UGT2B17: variants seen among roughly 807,000 people sequenced by gnomAD.
The protein encoded by UGT2B17 is UDP-glucuronosyltransferase 2B17.
In UGT2B17, 21 loss-of-function variants were observed where a neutral mutation model predicts 48.2. That is an observed-to-expected ratio of 0.44 (90% CI 0.31 to 0.63). UGT2B17 has a LOEUF of 0.63. Ranked by LOEUF, UGT2B17 falls within the 20% of genes least tolerant of loss-of-function variation. The pLI is 0.08. For synonymous variants in UGT2B17, 146 were observed against 238.4 expected, an observed-to-expected ratio of 0.61 and a Z score of 3.57; for missense variants, 402 against 696.1, an observed-to-expected ratio of 0.58 and a Z score of 4.75.
Position 68,556,516 on chromosome 4 carries a change from G to C in UGT2B17, c.1005+4021C>G, listed in dbSNP as rs1210096781. ...GTGAGATTGAAAGAACTGATACTAA[G>C]AGATAAAATAAGTTCCGTTTATGCA... On this transcript the variant is annotated intron_variant, in intron 4 of 6. Transcript: ENST00000317746. Among the ~76,000 whole-genome samples the C allele has an allele frequency of 5.6e-5, 7 of 125,398 alleles. 2 individuals are homozygous for C. The highest frequency in any genetic ancestry group is 8.1e-5 in the African/African-American group (3 of 36,864). 82.3% of individuals were successfully genotyped at this position (125,398 alleles called of 152,430 possible).
Position 68,564,785 on chromosome 4 carries a change from C to A in UGT2B17, c.873+787G>T, listed in dbSNP as rs1219136280. Among the ~76,000 whole-genome samples the A allele has an allele frequency of 9.5e-5, 12 of 125,742 alleles. 3 individuals are homozygous for A. The highest frequency in any genetic ancestry group is 1.5e-4 in the Non-Finnish European group (9 of 59,348). The allele number at this position is 125,742 out of a possible 152,430, so 82.5% of individuals were successfully genotyped here. A position where few individuals can be genotyped will look rare whatever the true frequency, so the allele number is the denominator to read the frequency against. ...GTGTGGTCTCAGCTCACTGCAGCCT[C>A]TGCCCCCAGACTCAAGCAAGCCTCC... On this transcript the variant is annotated intron_variant, in intron 3 of 6. Transcript: ENST00000317746.
chr4:68,547,878 A>G (rs1394743837), intron 6 of UGT2B17, among the ~76,000 whole-genome samples: 2 of 126,622 alleles, frequency 1.6e-5, no homozygotes, highest in Non-Finnish European at 3.3e-5. Context: ...ACAATGAGAT[A>G]CCATCTCACC....
chr4:68,537,366 T>C lies in UGT2B17; in HGVS notation c.*259A>G. On this transcript the variant is annotated 3_prime_UTR_variant, in exon 7 of 7. Coordinates refer to ENST00000317746, the MANE Select transcript of UGT2B17 (RefSeq NM_001077.4). Reference sequence around the variant, plus strand: ...AGTAACTTTTGTGTGGGGTAACTTTTGGATTAGAATAATAAATTTCAATAT... The same window carrying C: ...AGTAACTTTTGTGTGGGGTAACTTTCGGATTAGAATAATAAATTTCAATAT... 1 of 231,348 alleles carries C rather than the reference T, an allele frequency of 4.3e-6. No homozygotes were observed. Among genetic ancestry groups the C allele is most frequent in the Non-Finnish European group, 7.1e-6 (1 of 140,776 alleles). 14.3% of individuals were successfully genotyped at this position (231,348 alleles called of 1,614,324 possible). A position where few individuals can be genotyped will look rare whatever the true frequency, so the allele number is the denominator to read the frequency against.
intron 4 of UGT2B17, 61 bp from the exon 5 acceptor site, chr4:68,551,972 G>A: frequency 9.1e-7 from 1 of 1,098,048 alleles, no homozygotes; most frequent in Non-Finnish European, 1.2e-6. Context: ...TAACTTGTTA[G>A]AATTCTGAAG....
At chr4:68,548,522 A>T (rs12502808) in intron 6 of UGT2B17, among the ~76,000 whole-genome samples, 59,424 of 123,146 alleles carry the variant, frequency 0.48, 23,127 homozygotes, top group Middle Eastern at 0.73. Flanking sequence ...ACATGTATAC[A>T]TATGTAGCAA....
Position 68,545,100 on chromosome 4 carries a change from C to A in UGT2B17, c.1313+5577G>T, listed in dbSNP as rs1481083416. ...TAATAGACATCTACAGAACTCTGCA[C>A]CCCAAATCAACAGAATGTACATTCT... On this transcript the variant is annotated intron_variant, in intron 6 of 6. Coordinates refer to ENST00000317746, the MANE Select transcript of UGT2B17 (RefSeq NM_001077.4). Among the ~76,000 whole-genome samples the A allele has an allele frequency of 3.2e-5, 4 of 125,810 alleles. 1 individual carries two copies. The highest frequency in any genetic ancestry group is 1.1e-4 in the African/African-American group (4 of 36,814). 82.5% of individuals were successfully genotyped at this position (125,810 alleles called of 152,430 possible). A position where few individuals can be genotyped will look rare whatever the true frequency, so the allele number is the denominator to read the frequency against.
intron 3 of UGT2B17, among the ~76,000 whole-genome samples, chr4:68,562,555 A>T (rs1731123596): frequency 7.9e-6 from 1 of 126,292 alleles, no homozygotes; most frequent in South Asian, 3.7e-4. Context: ...CACTGACAAA[A>T]GTCTTCTTCA....
chr4:68,560,020 A>G (rs183140527), intron 4 of UGT2B17, among the ~76,000 whole-genome samples: 2 of 132,790 alleles, frequency 1.5e-5, no homozygotes, highest in African/African-American at 2.6e-5. Context: ...CCCTGAACAG[A>G]ACGCTAAATA....
intron 4 of UGT2B17, among the ~76,000 whole-genome samples, chr4:68,553,540 C>T (rs1730951841): frequency 8.0e-6 from 1 of 125,146 alleles, no homozygotes; most frequent in Non-Finnish European, 1.7e-5. Context: ...AGGTCCAAAG[C>T]TCTGTTTTCC....
At position 68,547,681 on chromosome 4, in the gene UGT2B17, C is replaced by G. The variant is rs1194586495; in HGVS notation, c.1313+2996G>C. On this transcript the variant is annotated intron_variant, in intron 6 of 6. Coordinates refer to ENST00000317746, the MANE Select transcript of UGT2B17 (RefSeq NM_001077.4). ...ACATTTTTGCAATCTACTCATCTGACAAAGGGCTAATATCCAGAATCTACA... is the reference window on the plus strand; with the variant it reads ...ACATTTTTGCAATCTACTCATCTGAGAAAGGGCTAATATCCAGAATCTACA... Among the ~76,000 whole-genome samples, 3 of 123,956 alleles carry G rather than the reference C, an allele frequency of 2.4e-5. 1 individual carries two copies. The highest frequency in any genetic ancestry group is 8.2e-5 in the African/African-American group (3 of 36,552). 81.3% of individuals were successfully genotyped at this position (123,956 alleles called of 152,430 possible).
At position 68,537,855 on chromosome 4, in the gene UGT2B17, C is replaced by T. The variant is rs772905355; in HGVS notation, c.1363G>A (p.Val455Met). The change falls in exon 7 of 7, where the codon GTG becomes ATG. Residue 455 changes from valine (V) to methionine (M), a missense_variant. By Grantham distance (21) the Val-to-Met change is conservative. Transcript: ENST00000317746. ...AAGACTGCTCGATCCAGGGGCTTCA[C>T]CGGTTGATCATGATGAATTCTTGAT... ...KLSRIHHDQP[V>M]KPLDRAVFWI... 1.4e-5 allele frequency: 19 copies of T among 1,376,024 alleles called. 6 individuals carry two copies. In the Admixed American group the frequency reaches 2.4e-4, roughly 17 times the overall value. The allele number at this position is 1,376,024 out of a possible 1,614,324, so 85.2% of individuals were successfully genotyped here. A position where few individuals can be genotyped will look rare whatever the true frequency, so the allele number is the denominator to read the frequency against.
At position 68,551,738 on chromosome 4, in the gene UGT2B17, T is replaced by A. The variant is rs1169810882; in HGVS notation, c.1093+86A>T. 4 of 924,626 alleles carry A rather than the reference T, an allele frequency of 4.3e-6. 1 individual carries two copies. In the Admixed American group the frequency reaches 1.2e-4, roughly 28 times the overall value. 57.3% of individuals were successfully genotyped at this position (924,626 alleles called of 1,614,324 possible). On this transcript the variant is annotated intron_variant, in intron 5 of 6. Transcript: ENST00000317746. ...TTTTTTAGTTTTCCAATAATAAATG[T>A]TAAATATGTTTGTTTTATGTTGAAA...
intron 1 of UGT2B17, among the ~76,000 whole-genome samples, 115 bp downstream of exon 1, chr4:68,575,836 A>G (rs114113088): frequency 0.015 from 1,826 of 125,418 alleles, 365 homozygotes; most frequent in African/African-American, 0.048. Flanking sequence ...GACTAGTCCT[A>G]CCAAGTCTAG....
intron 6 of UGT2B17, among the ~76,000 whole-genome samples, chr4:68,547,887 C>G (rs1160588642): frequency 7.9e-6 from 1 of 126,340 alleles, no homozygotes; most frequent in Non-Finnish European, 1.7e-5. Flanking sequence ...TACCATCTCA[C>G]CCCAGTTAGA....
Sources: gnomAD v4.1 joint callset for allele counts (sites outside exome capture counted in the v4.1 genomes callset) on GRCh38, gnomAD v4.1.1 for gene constraint, MANE v1.5 for transcripts, NCBI Gene and HGNC (gene_info 2026-07-23, HGNC 2026-07-21) for gene names.